SLC2A8: variants seen among roughly 807,000 people sequenced by gnomAD.
SLC2A8 encodes solute carrier family 2 member 8.
SLC2A8 carries 53 observed loss-of-function variants against 49.2 expected under a neutral mutation model. That is an observed-to-expected ratio of 1.08 (90% CI 0.86 to 1.35). The LOEUF (loss-of-function observed/expected upper bound fraction) is 1.35. SLC2A8 is among the 40% of genes most tolerant of loss of function. SLC2A8 has a pLI of 0.00. For synonymous variants in SLC2A8, 299 were observed against 297.0 expected, an observed-to-expected ratio of 1.01 and a Z score of -0.07; for missense variants, 688 against 671.7, an observed-to-expected ratio of 1.02 and a Z score of -0.27.
At chr9:127,398,204 C>A in intron 3 of SLC2A8, 93 bp downstream of exon 3, 1 of 1,368,230 alleles carries the variant, frequency 7.3e-7, no homozygotes. Flanking sequence ...GCGCGGCTCC[C>A]CCTGGCGGGA....
chr9:127,406,411 T>A (rs889683182), intron 9 of SLC2A8, among the ~76,000 whole-genome samples: 1 of 150,538 alleles, frequency 6.6e-6, no homozygotes, highest in Non-Finnish European at 1.5e-5. Context: ...TGCCTGGGGG[T>A]GGAGATTACT....
At chr9:127,400,034 T>C in intron 4 of SLC2A8, 28 bp downstream of exon 4, 1 of 1,598,288 alleles carries the variant, frequency 6.3e-7, no homozygotes, top group Admixed American at 1.7e-5. Flanking sequence ...TCTTGCTTCC[T>C]GTTTGTGGTC....
At position 127,407,447 on chromosome 9, in the gene SLC2A8, G is replaced by C; in HGVS notation, c.*198G>C. On this transcript the variant is annotated 3_prime_UTR_variant, in exon 10 of 10. Transcript: ENST00000373371. ...GCCTCCTGTTCCAGCTCCTGCTGCT[G>C]CTCTGAGGACTCAGGAACACCTTCG... The C allele has an allele frequency of 1.4e-6, 1 of 726,988 alleles. No individual in the cohort carries two copies. The highest frequency in any genetic ancestry group is 1.5e-5 in the South Asian group (1 of 68,006). 45.0% of individuals were successfully genotyped at this position (726,988 alleles called of 1,614,324 possible). A position where few individuals can be genotyped will look rare whatever the true frequency, so the allele number is the denominator to read the frequency against.
At position 127,397,317 on chromosome 9, in the gene SLC2A8, G is replaced by A. The variant is rs1833059906; in HGVS notation, c.56+31G>A. 4 of 1,379,146 alleles carry A rather than the reference G, an allele frequency of 2.9e-6. No individual in the cohort carries two copies. The African/African-American group carries it at 4.6e-5, about 16-fold the overall frequency. 85.4% of individuals were successfully genotyped at this position (1,379,146 alleles called of 1,614,324 possible). On this transcript the variant is annotated intron_variant, in intron 1 of 9. Coordinates refer to ENST00000373371, the MANE Select transcript of SLC2A8 (RefSeq NM_014580.5). ...CTCCGGGGAACCCGGGCCCGGATGC[G>A]GCCTCGCCCTCCCGCCCCTCCGCGT...
chr9:127,400,690 T>C (rs1228531264), intron 4 of SLC2A8, among the ~76,000 whole-genome samples: 4 of 152,256 alleles, frequency 2.6e-5, no homozygotes, highest in Middle Eastern at 3.4e-3. Context: ...AGATTCACCA[T>C]GTCGGCGAGT....
At chr9:127,398,188 C>CT in intron 3 of SLC2A8, 77 bp downstream of exon 3, 1 of 1,471,876 alleles carries the variant, frequency 6.8e-7, no homozygotes, top group South Asian at 1.2e-5. Flanking sequence ...CTCCCCAGGC[C>CT]TGGGGGCGCG....
intron 2 of SLC2A8, 88 bp downstream of exon 2, chr9:127,397,626 C>G: frequency 7.4e-7 from 1 of 1,352,292 alleles, no homozygotes; most frequent in Non-Finnish European, 9.5e-7. Flanking sequence ...CCCACCCTTC[C>G]CCTCGGGACA....
At chr9:127,404,599 C>A in intron 7 of SLC2A8, 1 of 544,320 alleles carries the variant, frequency 1.8e-6, no homozygotes, top group Non-Finnish European at 3.2e-6. Context: ...CCCATTTCCT[C>A]GGCCCAGAGG....
chr9:127,401,770 T>C (rs1289089832), intron 4 of SLC2A8, among the ~76,000 whole-genome samples: 1 of 152,156 alleles, frequency 6.6e-6, no homozygotes, highest in Non-Finnish European at 1.5e-5. Context: ...CTAGACTTCA[T>C]AGAACAATTG....
rs73590589 is a variant in SLC2A8 at position 127,399,734 on chromosome 9, A to T, written c.427-173A>T. On this transcript the variant is annotated intron_variant, in intron 3 of 9. Transcript: ENST00000373371. This position sits in a 1 kb window ranked among gnomAD's most constrained non-coding sequence, Gnocchi z 4.2. The stretch of plus-strand genomic sequence containing the variant: ...GTAGCTGGGATTACAGATGTGTGCC[A>T]CTAGGCCCAGCTAATTTTGTATTTT... Among the ~76,000 whole-genome samples the T allele has an allele frequency of 8.5e-5, 13 of 152,120 alleles. No homozygotes were observed. The highest frequency in any genetic ancestry group is 2.0e-4 in the Admixed American group (3 of 15,274).
intron 4 of SLC2A8, among the ~76,000 whole-genome samples, chr9:127,401,544 GT>G (rs1193508115): frequency 1.3e-5 from 2 of 152,244 alleles, no homozygotes; most frequent in Admixed American, 6.5e-5. Context: ...CTGTGTGCAG[GT>G]GTTGACATTC....
chr9:127,397,219 T>C lies in SLC2A8; in HGVS notation c.-12T>C. The C allele has an allele frequency of 3.4e-6, 5 of 1,451,352 alleles. No individual in the cohort carries two copies. The highest frequency in any genetic ancestry group is 2.7e-5 in the South Asian group (2 of 75,266). 89.9% of individuals were successfully genotyped at this position (1,451,352 alleles called of 1,614,324 possible). ...AGGCGCCAGAGCTGGCCGATCGGCGTTGGCCGCCGACATGACGCCCGAGGA... is the reference window on the plus strand; with the variant it reads ...AGGCGCCAGAGCTGGCCGATCGGCGCTGGCCGCCGACATGACGCCCGAGGA... On this transcript the variant is annotated 5_prime_UTR_variant, in exon 1 of 10. Coordinates refer to ENST00000373371, the MANE Select transcript of SLC2A8 (RefSeq NM_014580.5).
rs1337838240 is a variant in SLC2A8, at chr9:127,405,843, C to G, written c.1296+278C>G. On this transcript the variant is annotated intron_variant, in intron 9 of 9. Transcript: ENST00000373371. ...CTTAGTGAACGTCAGGAAAGCGGGCCTTGAGCCTAAGGTCTTACATGGGAA... is the reference window on the plus strand; with the variant it reads ...CTTAGTGAACGTCAGGAAAGCGGGCGTTGAGCCTAAGGTCTTACATGGGAA... Among the ~76,000 whole-genome samples, 4 of 152,226 alleles carry G rather than the reference C, an allele frequency of 2.6e-5. 1 individual carries two copies. The highest frequency in any genetic ancestry group is 3.8e-4 in the East Asian group (2 of 5,196).
rs766677676 is a variant in SLC2A8 at position 127,404,853 on chromosome 9, G to A, written c.1012G>A (p.Ala338Thr). ...GGTGTTCAGCACGAGTGCCTTCGGCGCCTACTTCAAGCTGACCCAGGGTGG... is the reference window on the plus strand; with the variant it reads ...GGTGTTCAGCACGAGTGCCTTCGGCACCTACTTCAAGCTGACCCAGGGTGG... ...VMVFSTSAFG[A>T]YFKLTQGGPG... The change falls in exon 8 of 10, where the codon GCC (alanine) becomes ACC (threonine). Residue 338 changes from alanine (A) to threonine (T), a missense_variant. Ala to Thr is a moderately conservative substitution (Grantham distance 58, BLOSUM62 0). Transcript: ENST00000373371. 46 of 1,612,434 alleles carry A rather than the reference G, an allele frequency of 2.9e-5. No homozygotes were observed. In the African/African-American group the frequency reaches 4.1e-4, roughly 15 times the overall value.
At chr9:127,403,462 G>A in intron 5 of SLC2A8, 198 bp from the exon 6 acceptor site, 1 of 623,700 alleles carries the variant, frequency 1.6e-6, no homozygotes, top group South Asian at 1.9e-5. Context: ...AAGTGCCCTG[G>A]GCAGGTGAGG....
Position 127,400,018 on chromosome 9 carries a change from A to G in SLC2A8, c.526+12A>G. The G allele has an allele frequency of 3.1e-6, 5 of 1,609,858 alleles. No individual in the cohort carries two copies. Among genetic ancestry groups the G allele is most frequent in the South Asian group, 1.1e-5 (1 of 90,990 alleles). Reference sequence around the variant, plus strand: ...GGCCTACCTGGCAGGTATAGTTGTCATTATCTCTTGCTTCCTGTTTGTGGT... The same window carrying G: ...GGCCTACCTGGCAGGTATAGTTGTCGTTATCTCTTGCTTCCTGTTTGTGGT... On this transcript the variant is annotated intron_variant, in intron 4 of 9. Coordinates refer to ENST00000373371, the MANE Select transcript of SLC2A8 (RefSeq NM_014580.5).
chr9:127,401,995 A>T (rs192192005), intron 4 of SLC2A8, among the ~76,000 whole-genome samples: 130 of 152,368 alleles, frequency 8.5e-4, no homozygotes, highest in African/African-American at 2.9e-3. Context: ...TGTTCTTCAT[A>T]CGTCAAGACA....
Position 127,405,002 on chromosome 9 carries a change from C to A in SLC2A8, c.1150+11C>A, listed in dbSNP as rs1215709965. On this transcript the variant is annotated intron_variant, in intron 8 of 9. Transcript: ENST00000373371. ...GCCTCTTCATCGCCGGTAAGGGGGC[C>A]TGTGGGAGGCTGGGCGAGGAGTGGG... 2.5e-6 allele frequency: 4 copies of A among 1,588,414 alleles called. No homozygotes were observed. The highest frequency in any genetic ancestry group is 2.7e-5 in the African/African-American group (2 of 74,632).
rs919799961 is a variant in SLC2A8 at position 127,403,588 on chromosome 9, G to A, written c.724-72G>A. On this transcript the variant is annotated intron_variant, in intron 5 of 9. Coordinates refer to ENST00000373371, the MANE Select transcript of SLC2A8 (RefSeq NM_014580.5). Reference sequence around the variant, plus strand: ...TCAGCGCTCCCCAAGCCTTAGGACAGTAGACCCCCAGAGGGGGGCCGCTTG... The same window carrying A: ...TCAGCGCTCCCCAAGCCTTAGGACAATAGACCCCCAGAGGGGGGCCGCTTG... 1.6e-5 allele frequency: 26 copies of A among 1,588,546 alleles called. No homozygotes were observed. The African/African-American group carries it at 2.4e-4, about 15-fold the overall frequency.
Sources: gnomAD v4.1 joint callset for allele counts (sites outside exome capture counted in the v4.1 genomes callset) on GRCh38, gnomAD v4.1.1 for gene constraint, Gnocchi (gnomAD v3.1) non-coding constraint, MANE v1.5 for transcripts, NCBI Gene and HGNC (gene_info 2026-07-23, HGNC 2026-07-21) for gene names.